Variants in MGST3 observed in about 807,000 individuals in gnomAD.
MGST3 encodes the protein glutathione S-transferase 3, mitochondrial.
In MGST3, 13 loss-of-function variants were observed where a neutral mutation model predicts 15.8. The ratio of observed to expected loss-of-function variants is 0.82; its 90% CI spans 0.54 to 1.31. MGST3 has a LOEUF of 1.31. Ranked by LOEUF, MGST3 falls within the 50% of genes most tolerant of loss-of-function variation. The probability of loss-of-function intolerance (pLI) is 0.00; values close to 1 mark genes in which losing one functional copy is unlikely to be tolerated. For missense variants in MGST3, 155 were observed against 192.4 expected, an observed-to-expected ratio of 0.81 and a Z score of 1.15; for synonymous variants, 49 against 68.1, an observed-to-expected ratio of 0.72 and a Z score of 1.38.
chr1:165,635,555 C>A (rs9333398), intron 1 of MGST3, among the ~76,000 whole-genome samples: 5,389 of 152,254 alleles, frequency 0.035, 333 homozygotes, highest in African/African-American at 0.12. Context: ...TTCCCTCCCC[C>A]ACTCCCAGCC....
At position 165,631,839 on chromosome 1, in the gene MGST3, C is replaced by G. The variant is rs9333375; in HGVS notation, c.-8+546C>G. Among the ~76,000 whole-genome samples, 740 of 152,360 alleles carry G rather than the reference C, an allele frequency of 4.9e-3. 5 individuals carry two copies. The highest frequency in any genetic ancestry group is 0.017 in the African/African-American group (705 of 41,588). The stretch of plus-strand genomic sequence containing the variant: ...TGAAGGAATTGTGTTTGTTTTCCTC[C>G]TGCCTCTTAGAATCGTTTGTCCATT... On this transcript the variant is annotated intron_variant, in intron 1 of 5. Transcript: ENST00000367889.
At position 165,655,499 on chromosome 1, in the gene MGST3, C is replaced by T. The variant is rs1031389562; in HGVS notation, c.454C>T (p.His152Tyr). 1 of 1,613,940 alleles carries T rather than the reference C, an allele frequency of 6.2e-7. No homozygotes were observed. Among genetic ancestry groups the T allele is most frequent in the African/African-American group, 1.3e-5 (1 of 74,870 alleles). Residue 152 changes from histidine (H) to tyrosine (Y), a missense_variant, in exon 6 of 6, where the codon CAT becomes TAT. His to Tyr is a moderately conservative substitution (Grantham distance 83). Coordinates refer to ENST00000367889, the MANE Select transcript of MGST3 (RefSeq NM_004528.4). ...CTTGGGCAGTGGACCCAAATGCTGCCATTAAAGAATTATAGGGGTTTAAAA... is the reference window on the plus strand; with the variant it reads ...CTTGGGCAGTGGACCCAAATGCTGCTATTAAAGAATTATAGGGGTTTAAAA... Reference protein sequence around the residue: ...SGLGSGPKCCH With the variant: ...SGLGSGPKCCY
chr1:165,652,005 T>C lies in MGST3; in HGVS notation c.219T>C (p.Phe73=). 6.2e-7 allele frequency: 1 copy of C among 1,614,024 alleles called. No homozygotes were observed. The highest frequency in any genetic ancestry group is 8.5e-7 in the Non-Finnish European group (1 of 1,179,900). Residue 73 remains phenylalanine (F), a synonymous_variant, in exon 4 of 6, where the codon TTT becomes TTC. Coordinates refer to ENST00000367889, the MANE Select transcript of MGST3 (RefSeq NM_004528.4). The part of the protein sequence containing the change: ...NTLEVYPPFL[F]FLAVGGVYHP... ...TGGAAGTGTATCCTCCCTTCTTATTTTTTCTAGCTGTTGGAGGTGTTTACC... is the reference window on the plus strand; with the variant it reads ...TGGAAGTGTATCCTCCCTTCTTATTCTTTCTAGCTGTTGGAGGTGTTTACC...
intron 1 of MGST3, among the ~76,000 whole-genome samples, chr1:165,638,818 C>G (rs1648187959): frequency 6.7e-6 from 1 of 150,174 alleles, no homozygotes; most frequent in Non-Finnish European, 1.5e-5. Context: ...AACCCACATT[C>G]TAGAAATAAT....
chr1:165,649,813 C>T, intron 1 of MGST3, 28 bp from the exon 2 acceptor site: 1 of 1,613,360 alleles, frequency 6.2e-7, no homozygotes, highest in Non-Finnish European at 8.5e-7. Context: ...GTGCTGGGGG[C>T]CGTCCCAACG....
chr1:165,651,963 T>G lies in MGST3; in HGVS notation c.192-15T>G. The G allele has an allele frequency of 6.2e-7, 1 of 1,604,770 alleles. No individual in the cohort carries two copies. Among genetic ancestry groups the G allele is most frequent in the South Asian group, 1.1e-5 (1 of 90,878 alleles). ...AAAAGGGCACTTTTTAAAAGTTTCT[T>G]TCTGTCAATTCCAGGTTGGAAGTGT... On this transcript the variant is annotated splice_polypyrimidine_tract_variant and intron_variant, in intron 3 of 5. Transcript: ENST00000367889.
chr1:165,647,670 C>T (rs1051927734), intron 1 of MGST3: 1 of 152,160 alleles, frequency 6.6e-6, no homozygotes, highest in Admixed American at 6.5e-5. Context: ...AAACTTTAAC[C>T]TAAAGCAAAT....
At chr1:165,635,321 ATTC>A (rs1405309738) in intron 1 of MGST3, among the ~76,000 whole-genome samples, 1 of 152,218 alleles carries the variant, frequency 6.6e-6, no homozygotes, top group Non-Finnish European at 1.5e-5. Flanking sequence ...TAAATCTAGT[ATTC>A]TTAGATTCCT....
intron 1 of MGST3, among the ~76,000 whole-genome samples, chr1:165,640,720 A>C (rs1437103233): frequency 1.3e-5 from 2 of 152,194 alleles, no homozygotes; most frequent in East Asian, 1.9e-4. Context: ...TTCTGTCTTC[A>C]TGCAAGTTGC....
intron 3 of MGST3, 104 bp downstream of exon 3, chr1:165,651,191 G>A: frequency 2.1e-6 from 2 of 961,148 alleles, no homozygotes; most frequent in Non-Finnish European, 3.4e-6. Flanking sequence ...CATAGTGATG[G>A]TGACAATCAT....
chr1:165,651,956 A>G (rs1648572355), intron 3 of MGST3, 22 bp from the exon 4 acceptor site: 1 of 1,584,534 alleles, frequency 6.3e-7, no homozygotes, highest in Non-Finnish European at 8.7e-7. Flanking sequence ...ACTTTTTAAA[A>G]GTTTCTTTCT....
chr1:165,651,399 G>A (rs962250542), intron 3 of MGST3: 1 of 429,934 alleles, frequency 2.3e-6, no homozygotes, highest in South Asian at 2.1e-5. Flanking sequence ...GAGTGAAGAG[G>A]TTTTGAATGC....
At chr1:165,632,012 A>G in intron 1 of MGST3, 1 of 520,200 alleles carries the variant, frequency 1.9e-6, no homozygotes, top group Non-Finnish European at 3.5e-6. Context: ...GGGCTACAGT[A>G]GTGGGGCAGT....
intron 1 of MGST3, among the ~76,000 whole-genome samples, chr1:165,631,632 T>A (rs1647947329): frequency 6.6e-6 from 1 of 152,092 alleles, no homozygotes; most frequent in African/African-American, 2.4e-5. Context: ...GGGGCACCTT[T>A]CTGCCTTCCG....
chr1:165,632,375 T>C (rs1647978842), intron 1 of MGST3: 2 of 1,302,044 alleles, frequency 1.5e-6, no homozygotes, highest in Admixed American at 3.5e-5. Flanking sequence ...AATCTGTAGA[T>C]CACCTGGAGC....
At chr1:165,650,137 A>C in intron 2 of MGST3, 173 bp downstream of exon 2, 1 of 864,482 alleles carries the variant, frequency 1.2e-6, no homozygotes, top group Non-Finnish European at 1.8e-6. Context: ...GGCAAGAAAT[A>C]CAGGGCCCTG....
At chr1:165,654,735 A>G (rs1217302191) in intron 5 of MGST3, among the ~76,000 whole-genome samples, 3 of 152,148 alleles carry the variant, frequency 2.0e-5, no homozygotes, top group Non-Finnish European at 4.4e-5. Flanking sequence ...TTTCTTGGGA[A>G]TTTGAGAAAA....
At chr1:165,650,228 C>CCTG in intron 2 of MGST3, 1 of 492,022 alleles carries the variant, frequency 2.0e-6, no homozygotes, top group East Asian at 3.9e-5. Flanking sequence ...TAGTACACTT[C>CCTG]TGCTTGGAGC....
rs1247440863 is a variant in MGST3 at position 165,655,601 on chromosome 1, C to T, written c.*97C>T. 2 of 1,423,330 alleles carry T rather than the reference C, an allele frequency of 1.4e-6. No individual in the cohort carries two copies. Among genetic ancestry groups the T allele is most frequent in the East Asian group, 2.5e-5 (1 of 40,432 alleles). The allele number at this position is 1,423,330 out of a possible 1,614,324, so 88.2% of individuals were successfully genotyped here. A position where few individuals can be genotyped will look rare whatever the true frequency, so the allele number is the denominator to read the frequency against. On this transcript the variant is annotated 3_prime_UTR_variant, in exon 6 of 6. Coordinates refer to ENST00000367889, the MANE Select transcript of MGST3 (RefSeq NM_004528.4). ...CTAAATATAATAAAAACTTACCTGG[C>T]ATCAGCCTCATACCTAAAACTCCTG... is the stretch of plus-strand genomic sequence containing the variant.
Sources: allele counts gnomAD v4.1 joint callset (sites outside exome capture counted in the v4.1 genomes callset), GRCh38; gene constraint gnomAD v4.1.1; transcripts MANE v1.5; gene names NCBI Gene and HGNC (gene_info 2026-07-23, HGNC 2026-07-21).